Variants in SPTBN1 observed in about 807,000 individuals in gnomAD.
SPTBN1 encodes spectrin beta, non-erythrocytic 1, also known as spectrin beta chain, non-erythrocytic 1.
SPTBN1 carries 32 observed loss-of-function variants against 266.4 expected under a neutral mutation model. The observed-to-expected ratio is 0.12, with a 90% CI of 0.09 to 0.16. The LOEUF (loss-of-function observed/expected upper bound fraction) is 0.16, where lower values mean the gene tolerates loss of function less well. SPTBN1 is among the 10% of genes least tolerant of loss of function. SPTBN1 has a pLI of 1.00. For synonymous variants in SPTBN1, 1,336 were observed against 1,162.2 expected (o/e 1.15, Z -3.04); for missense variants, 2,296 against 3,067.1 (o/e 0.75, Z 5.94).
chr2:54,629,207 T>C lies in SPTBN1; in HGVS notation c.2073T>C (p.Ser691=). 6.2e-7 allele frequency: 1 copy of C among 1,613,692 alleles called. No individual in the cohort carries two copies. The highest frequency in any genetic ancestry group is 2.2e-5 in the East Asian group (1 of 44,876). The change falls in exon 14 of 36, where the codon AGT becomes AGC. Residue 691 remains serine (S), a synonymous_variant. Transcript: ENST00000356805. ...RAFEDEMSGR[S]GHFEQAIKEG... is the part of the protein sequence containing the mutation. Reference sequence around the variant, plus strand: ...TCGAGGACGAGATGAGCGGCCGCAGTGGCCACTTTGAGCAGGCCATCAAGG... The same window carrying C: ...TCGAGGACGAGATGAGCGGCCGCAGCGGCCACTTTGAGCAGGCCATCAAGG...
At position 54,628,732 on chromosome 2, in the gene SPTBN1, T is replaced by A. The variant is rs1354877922; in HGVS notation, c.1799-201T>A. ...TGTCTGCGGTTTGGCCAAAAAAAAA[T>A]AATGTTTATCATTGCCCTCACTCCT... is the stretch of plus-strand genomic sequence containing the variant. On this transcript the variant is annotated intron_variant, in intron 13 of 35. Coordinates refer to ENST00000356805, the MANE Select transcript of SPTBN1 (RefSeq NM_003128.3). The surrounding 1 kb of genome is among the most constrained non-coding windows in gnomAD (Gnocchi z 4.3). Among the ~76,000 whole-genome samples, 3 of 152,258 alleles carry A rather than the reference T, an allele frequency of 2.0e-5. No homozygotes were observed. Among genetic ancestry groups the A allele is most frequent in the South Asian group, 2.1e-4 (1 of 4,826 alleles).
At chr2:54,587,363 A>G (rs1473014260) in intron 2 of SPTBN1, among the ~76,000 whole-genome samples, 1 of 152,192 alleles carries the variant, frequency 6.6e-6, no homozygotes, top group African/African-American at 2.4e-5. Context: ...TACTACTTTC[A>G]TGAAGTCTTG....
intron 2 of SPTBN1, chr2:54,529,795 G>A (rs1225769712): frequency 2.0e-6 from 1 of 508,050 alleles, no homozygotes; most frequent in Non-Finnish European, 3.7e-6. Flanking sequence ...CAACAAAATT[G>A]GGATCATCCA....
chr2:54,542,172 G>A (rs1671976964), intron 2 of SPTBN1, among the ~76,000 whole-genome samples: 1 of 152,240 alleles, frequency 6.6e-6, no homozygotes. Flanking sequence ...AACACAGTTA[G>A]GTGATTAAGT....
chr2:54,636,485 A>G lies in SPTBN1; in HGVS notation c.3768-1228A>G, dbSNP rs574678520. On this transcript the variant is annotated intron_variant, in intron 17 of 35. Coordinates refer to ENST00000356805, the MANE Select transcript of SPTBN1 (RefSeq NM_003128.3). ...TTGATTCTCCAGGCAGACAATGGCT[A>G]TGACACTGCATTGTCAGCAGCCACT... Among the ~76,000 whole-genome samples the G allele has an allele frequency of 1.5e-4, 23 of 152,310 alleles. No homozygotes were observed. In the South Asian group the frequency reaches 4.1e-3, roughly 27 times the overall value.
At chr2:54,493,529 G>A (rs1406749306) in intron 1 of SPTBN1, among the ~76,000 whole-genome samples, 1 of 152,058 alleles carries the variant, frequency 6.6e-6, no homozygotes, top group African/African-American at 2.4e-5. Flanking sequence ...CCTCAGCAGA[G>A]TAACTGGGAC....
chr2:54,472,116 C>A (rs1445436462), intron 1 of SPTBN1, among the ~76,000 whole-genome samples: 1 of 147,386 alleles, frequency 6.8e-6, no homozygotes, highest in African/African-American at 2.6e-5. Flanking sequence ...CAAGCTCCGC[C>A]TCCTGGGTTC....
Position 54,645,888 on chromosome 2 carries a change from C to G in SPTBN1, c.4495-40C>G, listed in dbSNP as rs772703204. Reference sequence around the variant, plus strand: ...GCTCGTTTGTGTCGTATATTTGTTCCTCTGAGTGGATCTGACCACTTATTT... The same window carrying G: ...GCTCGTTTGTGTCGTATATTTGTTCGTCTGAGTGGATCTGACCACTTATTT... On this transcript the variant is annotated intron_variant, in intron 21 of 35. Coordinates refer to ENST00000356805, the MANE Select transcript of SPTBN1 (RefSeq NM_003128.3). This position sits in a 1 kb window ranked among gnomAD's most constrained non-coding sequence, Gnocchi z 4.3. 6.2e-7 allele frequency: 1 copy of G among 1,606,234 alleles called. No homozygotes were observed. The highest frequency in any genetic ancestry group is 8.5e-7 in the Non-Finnish European group (1 of 1,173,090).
chr2:54,529,813 T>G (rs1671094986), intron 2 of SPTBN1: 3 of 482,364 alleles, frequency 6.2e-6, no homozygotes, highest in South Asian at 4.5e-5. Context: ...CCAAACTGAG[T>G]CCATCTGGCT....
At chr2:54,465,666 A>ATG (rs1553427345) in intron 1 of SPTBN1, among the ~76,000 whole-genome samples, 1 of 137,820 alleles carries the variant, frequency 7.3e-6, no homozygotes, top group Non-Finnish European at 1.6e-5. Context: ...ATATATATAT[A>ATG]TATCTCACAC....
intron 1 of SPTBN1, among the ~76,000 whole-genome samples, chr2:54,505,190 G>A (rs945771310): frequency 6.6e-6 from 1 of 152,104 alleles, no homozygotes; most frequent in African/African-American, 2.4e-5. Flanking sequence ...CATTGTATTC[G>A]ATCACAAGAA....
chr2:54,596,885 G>A (rs749244077), intron 2 of SPTBN1, among the ~76,000 whole-genome samples: 25 of 152,144 alleles, frequency 1.6e-4, no homozygotes, highest in Non-Finnish European at 2.9e-4. Flanking sequence ...AGGGCACTAA[G>A]GAAGTATATT....
At chr2:54,605,040 G>C (rs918414562) in intron 3 of SPTBN1, among the ~76,000 whole-genome samples, 1 of 152,140 alleles carries the variant, frequency 6.6e-6, no homozygotes, top group Non-Finnish European at 1.5e-5. Context: ...GAATCCGATG[G>C]CCAATAATGG....
rs547187395 is a variant in SPTBN1 at position 54,574,123 on chromosome 2, A to G, written c.149-24969A>G. 5.9e-5 allele frequency among the ~76,000 whole-genome samples: 9 copies of G among 152,302 alleles called. No homozygotes were observed. In the South Asian group the frequency reaches 1.9e-3, roughly 32 times the overall value. ...TGAAGGAAACAGACACCTTTCCAGT[A>G]ACAATAGCCAACATTTATTGGACAC... On this transcript the variant is annotated intron_variant, in intron 2 of 35. Coordinates refer to ENST00000356805, the MANE Select transcript of SPTBN1 (RefSeq NM_003128.3).
At chr2:54,660,827 C>G in intron 32 of SPTBN1, 3 of 985,458 alleles carry the variant, frequency 3.0e-6, no homozygotes, top group Non-Finnish European at 3.6e-6. Flanking sequence ...CTGTCTCGCT[C>G]CCTGTCAGTG....
At chr2:54,594,142 A>G (rs1432744584) in intron 2 of SPTBN1, among the ~76,000 whole-genome samples, 1 of 152,008 alleles carries the variant, frequency 6.6e-6, no homozygotes, top group Non-Finnish European at 1.5e-5. Context: ...ACACTTTTTT[A>G]AATGTTGTGC....
chr2:54,655,934 G>A lies in SPTBN1; in HGVS notation c.5982G>A (p.Gln1994=). The A allele has an allele frequency of 6.2e-7, 1 of 1,613,288 alleles. No individual in the cohort carries two copies. The highest frequency in any genetic ancestry group is 1.1e-5 in the South Asian group (1 of 91,034). The change falls in exon 29 of 36, where the codon CAG becomes CAA. Residue 1994 remains glutamine, a synonymous_variant. Coordinates refer to ENST00000356805, the MANE Select transcript of SPTBN1 (RefSeq NM_003128.3). ...TACAGATCAAGGAAAAATTACTGCA[G>A]TTGACGGAAAAGAGGAAAGAAATGA... ...ASEEIKEKLL[Q]LTEKRKEMID...
chr2:54,512,280 C>G (rs1350924885), intron 1 of SPTBN1, among the ~76,000 whole-genome samples: 1 of 152,176 alleles, frequency 6.6e-6, no homozygotes, highest in Non-Finnish European at 1.5e-5. Context: ...ATATTCTCTT[C>G]CTTTCAAGTA....
intron 33 of SPTBN1, among the ~76,000 whole-genome samples, chr2:54,665,625 G>A (rs1681318004): frequency 6.6e-6 from 1 of 152,176 alleles, no homozygotes; most frequent in Non-Finnish European, 1.5e-5. Flanking sequence ...ACCAATCAAA[G>A]TGAGCTCAGA....
Sources: gnomAD v4.1 joint callset for allele counts (sites outside exome capture counted in the v4.1 genomes callset) on GRCh38, gnomAD v4.1.1 for gene constraint, Gnocchi (gnomAD v3.1) non-coding constraint, MANE v1.5 for transcripts, NCBI Gene and HGNC (gene_info 2026-07-23, HGNC 2026-07-21) for gene names.